Variants in ETV6 observed in about 807,000 individuals in gnomAD.
The protein encoded by ETV6 is transcription factor ETV6.
In ETV6, 16 loss-of-function variants were observed where a neutral mutation model predicts 51.1. The observed-to-expected ratio is 0.31, with a 90% CI of 0.21 to 0.48. ETV6 has a LOEUF of 0.48. Ranked by LOEUF, ETV6 falls within the 20% of genes least tolerant of loss-of-function variation. The pLI, the probability that ETV6 is intolerant of heterozygous loss-of-function variation, is 0.99. For missense variants in ETV6, 458 were observed against 594.8 expected (o/e 0.77, Z 2.39); for synonymous variants, 240 against 224.1 (o/e 1.07, Z -0.64).
chr12:11,787,507 A>T (rs1040516097), intron 2 of ETV6, among the ~76,000 whole-genome samples: 6 of 152,158 alleles, frequency 3.9e-5, no homozygotes, highest in African/African-American at 1.2e-4. Context: ...GGGGACTAAA[A>T]TATTTTAAAT....
At chr12:11,726,547 G>A (rs12228191) in intron 1 of ETV6, among the ~76,000 whole-genome samples, 48,505 of 152,032 alleles carry the variant, frequency 0.32, 8,511 homozygotes, top group East Asian at 0.45. Flanking sequence ...GGAGGGCAAG[G>A]CAGGAGGATC....
intron 2 of ETV6, among the ~76,000 whole-genome samples, chr12:11,837,055 A>T (rs919568026): frequency 6.6e-6 from 1 of 152,152 alleles, no homozygotes; most frequent in African/African-American, 2.4e-5. Flanking sequence ...AAAAACTGAG[A>T]TTTTGCTGAG....
intron 2 of ETV6, among the ~76,000 whole-genome samples, chr12:11,808,828 A>G (rs1009111266): frequency 6.6e-6 from 1 of 152,174 alleles, no homozygotes; most frequent in African/African-American, 2.4e-5. Context: ...GAATAGAAAA[A>G]TGGGATTTCA....
intron 1 of ETV6, among the ~76,000 whole-genome samples, chr12:11,731,934 C>T (rs1416540827): frequency 6.6e-6 from 1 of 152,170 alleles, no homozygotes; most frequent in Non-Finnish European, 1.5e-5. Flanking sequence ...CCTGGGATTT[C>T]AGTTTTAGTA....
intron 1 of ETV6, among the ~76,000 whole-genome samples, chr12:11,739,331 G>A (rs1254466612): frequency 6.6e-6 from 1 of 152,182 alleles, no homozygotes; most frequent in African/African-American, 2.4e-5. Flanking sequence ...GAAAGGATGG[G>A]GAATAGTGCG....
chr12:11,675,705 C>G (rs1864410195), intron 1 of ETV6, among the ~76,000 whole-genome samples: 1 of 151,944 alleles, frequency 6.6e-6, no homozygotes, highest in Admixed American at 6.6e-5. Flanking sequence ...TCCCAGTTAC[C>G]CAGGAGGCTG....
chr12:11,725,412 C>G (rs931063988), intron 1 of ETV6, among the ~76,000 whole-genome samples: 10 of 152,106 alleles, frequency 6.6e-5, no homozygotes, highest in Non-Finnish European at 1.2e-4. Context: ...TTGGAGTTCC[C>G]TTTTTAACCT....
chr12:11,862,734 G>A (rs550022327), intron 4 of ETV6, among the ~76,000 whole-genome samples: 120 of 152,264 alleles, frequency 7.9e-4, no homozygotes, highest in African/African-American at 2.7e-3. Flanking sequence ...TGCAAGGACC[G>A]TCTTTCCAAA....
rs888265608 is a variant in ETV6, at chr12:11,653,962, G to A, written c.33+3802G>A. Among the ~76,000 whole-genome samples the A allele has an allele frequency of 2.6e-5, 4 of 151,874 alleles. No individual in the cohort carries two copies. In the East Asian group the frequency reaches 5.8e-4, roughly 22 times the overall value. ...CAAGTAGTTGGGATTACAGGTGCCC[G>A]CCACCATGCCCGGCTAATTTTTGTG... On this transcript the variant is annotated intron_variant, in intron 1 of 7. Transcript: ENST00000396373.
chr12:11,880,124 A>G (rs1296323506), intron 5 of ETV6, among the ~76,000 whole-genome samples: 26 of 152,130 alleles, frequency 1.7e-4, no homozygotes, highest in Non-Finnish European at 1.5e-5. Context: ...AAGAAACAAA[A>G]CAATCAATAA....
chr12:11,667,348 C>T (rs1036291072), intron 1 of ETV6, among the ~76,000 whole-genome samples: 1 of 152,126 alleles, frequency 6.6e-6, no homozygotes, highest in Admixed American at 6.5e-5. Flanking sequence ...TTTCCTTCCC[C>T]TTCTACTTCC....
intron 2 of ETV6, among the ~76,000 whole-genome samples, chr12:11,758,044 T>C (rs920459539): frequency 1.3e-5 from 2 of 152,202 alleles, no homozygotes; most frequent in African/African-American, 4.8e-5. Context: ...CTCAATCCAG[T>C]ACCCAATTCC....
intron 1 of ETV6, among the ~76,000 whole-genome samples, chr12:11,686,995 C>T (rs1864643122): frequency 6.6e-6 from 1 of 152,176 alleles, no homozygotes. Flanking sequence ...AAGTGATTCT[C>T]CTGCCTCTGC....
intron 2 of ETV6, among the ~76,000 whole-genome samples, chr12:11,813,982 A>C (rs962459043): frequency 6.6e-6 from 1 of 152,242 alleles, no homozygotes; most frequent in Non-Finnish European, 1.5e-5. Context: ...TATTTCCTAG[A>C]AATGATTTAG....
At chr12:11,866,542 G>A (rs1050640915) in intron 4 of ETV6, among the ~76,000 whole-genome samples, 1 of 152,146 alleles carries the variant, frequency 6.6e-6, no homozygotes, top group Non-Finnish European at 1.5e-5. Context: ...ATCTGTAGAG[G>A]CATGGTCTTA....
At chr12:11,865,009 T>C (rs1248028262) in intron 4 of ETV6, among the ~76,000 whole-genome samples, 1 of 152,134 alleles carries the variant, frequency 6.6e-6, no homozygotes, top group African/African-American at 2.4e-5. Context: ...CCCAGCACTT[T>C]GGGAGGCTGA....
At chr12:11,708,008 G>T (rs916315841) in intron 1 of ETV6, among the ~76,000 whole-genome samples, 4 of 152,206 alleles carry the variant, frequency 2.6e-5, no homozygotes, top group Non-Finnish European at 5.9e-5. Flanking sequence ...AGTTGTATTT[G>T]TGATTTTCTC....
At chr12:11,835,539 A>G (rs1304065324) in intron 2 of ETV6, among the ~76,000 whole-genome samples, 1 of 152,174 alleles carries the variant, frequency 6.6e-6, no homozygotes, top group East Asian at 1.9e-4. Context: ...CCAAGCACCC[A>G]TGAGTGCCTG....
chr12:11,721,507 A>G (rs1051026296), intron 1 of ETV6, among the ~76,000 whole-genome samples: 28 of 152,352 alleles, frequency 1.8e-4, no homozygotes, highest in East Asian at 1.9e-4. Context: ...GTTCTCACTT[A>G]TAAGTAGGAG....
Sources: allele counts gnomAD v4.1 joint callset (sites outside exome capture counted in the v4.1 genomes callset), GRCh38; gene constraint gnomAD v4.1.1; transcripts MANE v1.5; gene names NCBI Gene and HGNC (gene_info 2026-07-23, HGNC 2026-07-21).